Variants in ACER2 observed in about 807,000 individuals in gnomAD.
ACER2 encodes alkaline ceramidase 2.
In ACER2, 26 loss-of-function variants were observed where a neutral mutation model predicts 34.7. The ratio of observed to expected loss-of-function variants is 0.75; its 90% CI spans 0.55 to 1.04. The LOEUF is 1.04. Ranked by LOEUF, ACER2 falls within the 50% of genes least tolerant of loss-of-function variation. ACER2 has a pLI of 0.00. For synonymous variants in ACER2, 138 were observed against 132.1 expected (o/e 1.04, Z -0.31); for missense variants, 352 against 340.8 (o/e 1.03, Z -0.26).
chr9:19,449,111 C>T (rs2132537875), intron 5 of ACER2, among the ~76,000 whole-genome samples: 1 of 152,302 alleles, frequency 6.6e-6, no homozygotes, highest in African/African-American at 2.4e-5. Context: ...GCCTGAGCAA[C>T]AGAGTGAGAC....
Position 19,423,992 on chromosome 9 carries a change from T to C in ACER2, c.223+16T>C. The C allele has an allele frequency of 6.3e-7, 1 of 1,578,254 alleles. No individual in the cohort carries two copies. Reference sequence around the variant, plus strand: ...GTTGTAGTGGGTAAGTGGAGTCATTTGGGAACACGGACTTAATGGGGTGGT... The same window carrying C: ...GTTGTAGTGGGTAAGTGGAGTCATTCGGGAACACGGACTTAATGGGGTGGT... On this transcript the variant is annotated intron_variant, in intron 2 of 5. Transcript: ENST00000340967.
intron 4 of ACER2, among the ~76,000 whole-genome samples, chr9:19,442,490 C>T (rs1040327891): frequency 1.3e-5 from 2 of 152,198 alleles, no homozygotes; most frequent in Non-Finnish European, 2.9e-5. Flanking sequence ...TAACAGGCTG[C>T]CCTGAGACCA....
In ACER2 at chr9:19,451,865, TTG is replaced by T. The variant is rs1831581092; in HGVS notation, c.*1233_*1234del. The stretch of plus-strand genomic sequence containing the variant: ...TCAAGAGTCTCACTTCTTGTTTCTG[TTG>T]TGTTTTCTGTGGGCATCATGTTCTT... On this transcript the variant is annotated 3_prime_UTR_variant, in exon 6 of 6. Coordinates refer to ENST00000340967, the MANE Select transcript of ACER2 (RefSeq NM_001010887.3). The T allele has an allele frequency of 2.6e-5, 4 of 152,376 alleles. No homozygotes were observed. In the East Asian group the frequency reaches 7.7e-4, roughly 29 times the overall value. The allele number at this position is 152,376 out of a possible 1,614,324, so 9.4% of individuals were successfully genotyped here.
At chr9:19,435,113 A>G (rs1830917761) in intron 4 of ACER2, 29 bp downstream of exon 4, 1 of 1,612,738 alleles carries the variant, frequency 6.2e-7, no homozygotes. Flanking sequence ...GCCTACCCTT[A>G]GCTGTCCCCG....
At chr9:19,438,820 C>T (rs1016522949) in intron 4 of ACER2, among the ~76,000 whole-genome samples, 1 of 152,150 alleles carries the variant, frequency 6.6e-6, no homozygotes, top group African/African-American at 2.4e-5. Flanking sequence ...GGATCTTGCT[C>T]TGTTGCCCAG....
chr9:19,412,837 C>G (rs964333921), intron 1 of ACER2, among the ~76,000 whole-genome samples: 1 of 152,066 alleles, frequency 6.6e-6, no homozygotes, highest in Non-Finnish European at 1.5e-5. Context: ...ATACAGTACT[C>G]CCTTTAATGG....
chr9:19,428,321 C>G (rs969218257), intron 3 of ACER2, among the ~76,000 whole-genome samples: 1 of 151,930 alleles, frequency 6.6e-6, no homozygotes, highest in Non-Finnish European at 1.5e-5. Flanking sequence ...GTGCATGTCA[C>G]CACATGTGGC....
chr9:19,412,675 A>C (rs550406114), intron 1 of ACER2, among the ~76,000 whole-genome samples: 10 of 147,364 alleles, frequency 6.8e-5, no homozygotes, highest in Admixed American at 1.4e-4. Flanking sequence ...AAAAAAAAAA[A>C]CCAGCATGTA....
chr9:19,416,649 C>G (rs922627653), intron 1 of ACER2, among the ~76,000 whole-genome samples: 2 of 151,916 alleles, frequency 1.3e-5, no homozygotes, highest in Admixed American at 1.3e-4. Flanking sequence ...CCTTAGCCTC[C>G]CGAGTAGGTG....
intron 4 of ACER2, among the ~76,000 whole-genome samples, chr9:19,442,698 C>T (rs1187901211): frequency 3.3e-5 from 5 of 152,244 alleles, no homozygotes; most frequent in Non-Finnish European, 5.9e-5. Context: ...CATAGATCCT[C>T]GTGTCCCAGA....
At position 19,433,978 on chromosome 9, in the gene ACER2, G is replaced by A. The variant is rs1036415156; in HGVS notation, c.366-969G>A. On this transcript the variant is annotated intron_variant, in intron 3 of 5. Transcript: ENST00000340967. ...GACCCCCCCACCTCCCTCCCGGACG[G>A]GGTGGCTGCCGGGCGGAGACGCTCC... Among the ~76,000 whole-genome samples the A allele has an allele frequency of 1.1e-3, 166 of 152,122 alleles. 3 individuals are homozygous for A. Among genetic ancestry groups the A allele is most frequent in the Non-Finnish European group, 5.9e-4 (40 of 67,964 alleles).
chr9:19,433,691 T>C (rs1359086017), intron 3 of ACER2, among the ~76,000 whole-genome samples: 4 of 152,020 alleles, frequency 2.6e-5, no homozygotes. Flanking sequence ...GATGGGGTGG[T>C]GGCCGGGCAG....
chr9:19,424,398 A>T, intron 2 of ACER2: 3 of 985,402 alleles, frequency 3.0e-6, no homozygotes, highest in Non-Finnish European at 3.6e-6. Flanking sequence ...CAGTGAAGGA[A>T]TGTTGACTTT....
At chr9:19,449,681 C>T (rs1404475965) in intron 5 of ACER2, among the ~76,000 whole-genome samples, 1 of 151,884 alleles carries the variant, frequency 6.6e-6, no homozygotes. Context: ...GTCAGGAGTT[C>T]AAGACCAGCC....
chr9:19,434,692 A>C (rs904712842), intron 3 of ACER2, among the ~76,000 whole-genome samples: 14 of 152,148 alleles, frequency 9.2e-5, no homozygotes, highest in Non-Finnish European at 2.1e-4. Flanking sequence ...AGAATCAGGC[A>C]GGGAGGTTGC....
intron 4 of ACER2, 138 bp from the exon 5 acceptor site, chr9:19,446,143 A>C: frequency 8.4e-7 from 1 of 1,189,572 alleles, no homozygotes; most frequent in East Asian, 2.3e-5. Flanking sequence ...CTGTGGAGTG[A>C]CTGTGTGTTG....
At chr9:19,426,386 CTCT>C in intron 3 of ACER2, among the ~76,000 whole-genome samples, 7 of 148,354 alleles carry the variant, frequency 4.7e-5, no homozygotes, top group African/African-American at 5.1e-5. Flanking sequence ...CTCTCTCTCT[CTCT>C]CTCCTCCTTT....
At chr9:19,438,479 G>T (rs1225938912) in intron 4 of ACER2, among the ~76,000 whole-genome samples, 1 of 152,208 alleles carries the variant, frequency 6.6e-6, no homozygotes, top group African/African-American at 2.4e-5. Context: ...GGAGGGACTG[G>T]CTCCTGGGCC....
chr9:19,434,889 A>G, intron 3 of ACER2, 58 bp from the exon 4 acceptor site: 8 of 1,602,726 alleles, frequency 5.0e-6, no homozygotes, highest in Non-Finnish European at 6.8e-6. Flanking sequence ...AACATTAAAC[A>G]AACAAACAAA....
Sources: gnomAD v4.1 joint callset for allele counts (sites outside exome capture counted in the v4.1 genomes callset) on GRCh38, gnomAD v4.1.1 for gene constraint, MANE v1.5 for transcripts, NCBI Gene and HGNC (gene_info 2026-07-23, HGNC 2026-07-21) for gene names.